PHF8: variants seen among roughly 807,000 people sequenced by gnomAD.
PHF8 encodes PHD finger protein 8.
In PHF8, 9 loss-of-function variants were observed where a neutral mutation model predicts 74.4. That is an observed-to-expected ratio of 0.12 (90% confidence interval 0.07 to 0.21). The LOEUF (loss-of-function observed/expected upper bound fraction) is 0.21. Ranked by LOEUF, PHF8 falls within the 10% of genes least tolerant of loss-of-function variation. The pLI is 1.00. For missense variants in PHF8, 478 were observed against 816.6 expected, an observed-to-expected ratio of 0.59 and a Z score of 5.05; for synonymous variants, 311 against 316.6, an observed-to-expected ratio of 0.98 and a Z score of 0.19.
At chrX:53,982,280 AG>A (rs1326574206) in intron 18 of PHF8, among the ~76,000 whole-genome samples, 1 of 112,594 alleles carries the variant, frequency 8.9e-6, no homozygotes, top group Admixed American at 9.4e-5. Context: ...GTTCACAGCA[AG>A]GTCTGCAGAG....
chrX:53,981,364 A>G (rs1343605386), intron 18 of PHF8, among the ~76,000 whole-genome samples: 1 of 112,545 alleles, frequency 8.9e-6, no homozygotes, highest in African/African-American at 3.2e-5. Flanking sequence ...TTAGCAACAT[A>G]AGAAGACATA....
At chrX:54,022,548 A>G (rs1205043462) in intron 3 of PHF8, among the ~76,000 whole-genome samples, 181 bp from the exon 4 acceptor site, 2 of 111,753 alleles carry the variant, frequency 1.8e-5, no homozygotes, top group African/African-American at 6.5e-5. Flanking sequence ...CTTTCTCTAG[A>G]TAAGCCTTAG....
intron 18 of PHF8, among the ~76,000 whole-genome samples, chrX:53,971,687 G>A (rs1393371184): frequency 3.6e-5 from 4 of 111,614 alleles, no homozygotes; most frequent in African/African-American, 1.3e-4. Flanking sequence ...ACAACCATCA[G>A]AGAATACTAT....
At chrX:53,970,750 G>A (rs782622623) in intron 18 of PHF8, among the ~76,000 whole-genome samples, 105 of 111,180 alleles carry the variant, frequency 9.4e-4, no homozygotes, top group African/African-American at 3.3e-3. Context: ...TGACAAAGAA[G>A]GGCATTACAT....
chrX:53,951,541 C>G lies in PHF8; in HGVS notation c.2540-7298G>C, dbSNP rs782457797. 1.2e-4 allele frequency among the ~76,000 whole-genome samples: 13 copies of G among 110,490 alleles called. No individual in the cohort carries two copies. The East Asian group carries it at 3.1e-3, about 27-fold the overall frequency. The stretch of plus-strand genomic sequence containing the variant: ...TCTCGGCTCATTGCAAGCTCTGCCG[C>G]CAGGGTTAACGCCATTCTCCTGCCT... On this transcript the variant is annotated intron_variant, in intron 19 of 21. Transcript: ENST00000338154.
chrX:53,991,779 G>A (rs2065668654), intron 14 of PHF8, among the ~76,000 whole-genome samples: 1 of 110,341 alleles, frequency 9.1e-6, no homozygotes, highest in Non-Finnish European at 1.9e-5. Context: ...GAAGTGAGAG[G>A]ATCACCTGAG....
chrX:54,003,328 T>C (rs1230215024), intron 8 of PHF8, among the ~76,000 whole-genome samples: 1 of 111,791 alleles, frequency 8.9e-6, no homozygotes, highest in East Asian at 2.8e-4. Flanking sequence ...ATCTCAAATC[T>C]ATCCTTCACA....
chrX:53,984,166 G>C (rs191547890), intron 18 of PHF8, among the ~76,000 whole-genome samples: 181 of 112,173 alleles, frequency 1.6e-3, no homozygotes, highest in Non-Finnish European at 1.3e-3. Flanking sequence ...AGGAATTCGA[G>C]ATCACCCTAG....
intron 19 of PHF8, among the ~76,000 whole-genome samples, chrX:53,954,061 C>A (rs977475961): frequency 8.9e-6 from 1 of 111,748 alleles, no homozygotes; most frequent in African/African-American, 3.3e-5. Context: ...ATAACAATTA[C>A]AAACATATGT....
chrX:53,979,635 A>G (rs1301917611), intron 18 of PHF8, among the ~76,000 whole-genome samples: 2 of 111,997 alleles, frequency 1.8e-5, no homozygotes, highest in African/African-American at 3.2e-5. Context: ...TCAAGAAAAT[A>G]TCGATTCAAA....
chrX:53,961,340 T>C (rs1388890726), intron 19 of PHF8, among the ~76,000 whole-genome samples: 5 of 107,904 alleles, frequency 4.6e-5, no homozygotes, highest in Non-Finnish European at 7.7e-5. Context: ...TTTTTTTTTT[T>C]CCCCGAGACG....
intron 20 of PHF8, chrX:53,943,280 A>T: frequency 1.1e-6 from 1 of 942,349 alleles, no homozygotes; most frequent in Non-Finnish European, 1.4e-6. Flanking sequence ...TGAACTACAT[A>T]AGCATTTATT....
intron 19 of PHF8, among the ~76,000 whole-genome samples, chrX:53,953,037 G>T (rs1467757612): frequency 9.0e-6 from 1 of 110,581 alleles, no homozygotes; most frequent in Non-Finnish European, 1.9e-5. Flanking sequence ...CACTTTGGGA[G>T]GCTGAGGCGG....
intron 8 of PHF8, among the ~76,000 whole-genome samples, chrX:54,009,357 A>G: frequency 9.0e-6 from 1 of 111,010 alleles, no homozygotes; most frequent in Middle Eastern, 4.6e-3. Context: ...CAACATGTCA[A>G]TATTTGTGTG....
At chrX:53,951,599 C>T (rs180796370) in intron 19 of PHF8, among the ~76,000 whole-genome samples, 1,730 of 110,225 alleles carry the variant, frequency 0.016, 37 homozygotes, top group African/African-American at 0.054. Context: ...TACAGGTGCC[C>T]GCCACCACGC....
chrX:53,939,273 G>A (rs782655734), intron 21 of PHF8, 27 bp from the exon 22 acceptor site: 1 of 1,169,966 alleles, frequency 8.5e-7, no homozygotes, highest in South Asian at 1.8e-5. Flanking sequence ...AAGTAAGCAA[G>A]GGCTTTGGCA....
chrX:53,977,440 G>A (rs1372696646), intron 18 of PHF8, among the ~76,000 whole-genome samples: 1 of 111,867 alleles, frequency 8.9e-6, no homozygotes, highest in African/African-American at 3.2e-5. Flanking sequence ...TCAAAAAAGA[G>A]GATATATGAA....
chrX:53,996,064 A>T (rs2065742151), intron 11 of PHF8, among the ~76,000 whole-genome samples: 1 of 111,691 alleles, frequency 9.0e-6, no homozygotes, highest in Non-Finnish European at 1.9e-5. Context: ...ACTGCCCAAG[A>T]TGGCTTTGAA....
At chrX:54,009,644 A>C (rs1332623100) in intron 8 of PHF8, among the ~76,000 whole-genome samples, 2 of 107,733 alleles carry the variant, frequency 1.9e-5, no homozygotes, top group Non-Finnish European at 3.8e-5. Context: ...GGAGATCAAG[A>C]CCATCCTGGC....
Sources: allele counts gnomAD v4.1 joint callset (sites outside exome capture counted in the v4.1 genomes callset), GRCh38; gene constraint gnomAD v4.1.1; transcripts MANE v1.5; gene names NCBI Gene and HGNC (gene_info 2026-07-23, HGNC 2026-07-21).